KLF13: variants seen among roughly 807,000 people sequenced by gnomAD.
The protein encoded by KLF13 is Krueppel-like factor 13.
A neutral mutation model predicts 16.7 loss-of-function variants in KLF13; 8 were observed. That is an observed-to-expected ratio of 0.48 (90% CI 0.28 to 0.87). The LOEUF is 0.87. Among genes scored for constraint, KLF13 ranks in the 40% least tolerant of loss-of-function variants. The probability of loss-of-function intolerance (pLI) is 0.10; values close to 1 mark genes in which losing one functional copy is unlikely to be tolerated. For missense variants in KLF13, 447 were observed against 452.2 expected (o/e 0.99, Z 0.10); for synonymous variants, 245 against 208.4 (o/e 1.18, Z -1.51).
chr15:31,333,045 T>A (rs146547481), intron 1 of KLF13, among the ~76,000 whole-genome samples: 319 of 152,288 alleles, frequency 2.1e-3, no homozygotes, highest in African/African-American at 7.5e-3. Context: ...TAAAATAGTT[T>A]TAAAAATAAA....
At chr15:31,379,076 A>G (rs960979474), downstream of KLF13, among the ~76,000 whole-genome samples, 17 of 152,164 alleles carry the variant, frequency 1.1e-4, no homozygotes, top group African/African-American at 3.9e-4. Context: ...AAGTGTTACT[A>G]ACAAATACAG....
chr15:31,424,754 G>A (rs2040381338), intron 1 of KLF13, among the ~76,000 whole-genome samples: 1 of 152,084 alleles, frequency 6.6e-6, no homozygotes, highest in Non-Finnish European at 1.5e-5. Flanking sequence ...ATTCAACATA[G>A]TAATGGAAGT....
chr15:31,343,818 C>A (rs1200040977), intron 1 of KLF13, among the ~76,000 whole-genome samples: 2 of 152,174 alleles, frequency 1.3e-5, no homozygotes, highest in African/African-American at 4.8e-5. Context: ...GGAAGGTCTC[C>A]TTGGAGAGGT....
At chr15:31,424,892 C>CACACACAA (rs1465284394) in intron 1 of KLF13, among the ~76,000 whole-genome samples, 1 of 151,802 alleles carries the variant, frequency 6.6e-6, no homozygotes, top group Non-Finnish European at 1.5e-5. Context: ...CACACACACA[C>CACACACAA]ACACACACAC....
chr15:31,423,381 C>T (rs907813423), intron 1 of KLF13, among the ~76,000 whole-genome samples: 1 of 151,592 alleles, frequency 6.6e-6, no homozygotes, highest in Non-Finnish European at 1.5e-5. Flanking sequence ...TCTGTAATCC[C>T]AGCGCTTTGG....
At chr15:31,341,537 C>CTTTTCT (rs2039021899) in intron 1 of KLF13, among the ~76,000 whole-genome samples, 1 of 121,484 alleles carries the variant, frequency 8.2e-6, no homozygotes, top group Non-Finnish European at 1.7e-5. Flanking sequence ...CAATTCAGAA[C>CTTTTCT]TTTTTTTTTT....
intron 2 of KLF13, among the ~76,000 whole-genome samples, chr15:31,398,265 C>G (rs2039982903): frequency 6.6e-6 from 1 of 152,158 alleles, no homozygotes; most frequent in Non-Finnish European, 1.5e-5. Flanking sequence ...ATGGCCATCA[C>G]AGCAAGGAAA....
At chr15:31,391,259 G>A (rs2039862022), upstream of KLF13, among the ~76,000 whole-genome samples, 1 of 116,336 alleles carries the variant, frequency 8.6e-6, no homozygotes, top group Non-Finnish European at 1.8e-5. Context: ...GGTGCTGGGT[G>A]TTGGGCTGTG....
chr15:31,420,342 C>A, intron 1 of KLF13: 1 of 1,058,754 alleles, frequency 9.4e-7, no homozygotes, highest in Non-Finnish European at 1.4e-6. Flanking sequence ...GCAGCTGGCA[C>A]AGTGTATGAA....
chr15:31,393,874 G>C (rs1454453932), intron 2 of KLF13, among the ~76,000 whole-genome samples: 1 of 152,146 alleles, frequency 6.6e-6, no homozygotes, highest in Non-Finnish European at 1.5e-5. Flanking sequence ...GCACCGGGTC[G>C]GGCTTCTGTC....
rs112850179 is a variant in KLF13, at chr15:31,345,155, A to G, written c.577+17366A>G. 5.7e-3 allele frequency among the ~76,000 whole-genome samples: 871 copies of G among 152,308 alleles called. 4 individuals carry two copies. The highest frequency in any genetic ancestry group is 0.017 in the Middle Eastern group (5 of 294). On this transcript the variant is annotated intron_variant, in intron 1 of 1. Transcript: ENST00000307145. ...GAGGCAGCTGTGAGATCCCAGGCAG[A>G]GCCAGGAGAGGAGCAGGACAGATGG...
chr15:31,335,867 C>T (rs1214002585), intron 1 of KLF13, among the ~76,000 whole-genome samples: 1 of 152,202 alleles, frequency 6.6e-6, no homozygotes, highest in African/African-American at 2.4e-5. Context: ...CACGCTGCAT[C>T]ATGAAAGAGC....
intron 1 of KLF13, among the ~76,000 whole-genome samples, chr15:31,419,106 T>C (rs1320125719): frequency 6.6e-6 from 1 of 152,180 alleles, no homozygotes; most frequent in African/African-American, 2.4e-5. Flanking sequence ...GTGTATTTCA[T>C]GGTGCATCCC....
chr15:31,354,562 A>C (rs980487330), intron 1 of KLF13, among the ~76,000 whole-genome samples: 3 of 152,066 alleles, frequency 2.0e-5, no homozygotes, highest in Admixed American at 6.5e-5. Context: ...TTGTATTTTT[A>C]GTAGAGATGG....
chr15:31,335,473 GTGTA>G (rs57908934), intron 1 of KLF13, among the ~76,000 whole-genome samples: 9,489 of 34,302 alleles, frequency 0.28, 991 homozygotes, highest in East Asian at 0.42. Context: ...GTGTGTGTGT[GTGTA>G]TGGTGGCGGG....
chr15:31,328,111 CG>C (rs2038753770), intron 1 of KLF13, among the ~76,000 whole-genome samples: 1 of 149,394 alleles, frequency 6.7e-6, no homozygotes, highest in African/African-American at 2.5e-5. Context: ...GGCCGGGAGG[CG>C]GCGCGGGCAG....
intron 1 of KLF13, among the ~76,000 whole-genome samples, chr15:31,329,845 A>T (rs2038795911): frequency 6.6e-6 from 1 of 152,180 alleles, no homozygotes; most frequent in African/African-American, 2.4e-5. Context: ...TTGGAAGTGC[A>T]CAGGGCTCCG....
upstream of KLF13, among the ~76,000 whole-genome samples, chr15:31,390,780 C>T (rs1255848601): frequency 6.6e-6 from 1 of 152,076 alleles, no homozygotes; most frequent in Admixed American, 6.5e-5. Flanking sequence ...CTGAATCAGG[C>T]TTCTGTGTCC....
At chr15:31,420,349 T>C in intron 1 of KLF13, 1 of 1,094,712 alleles carries the variant, frequency 9.1e-7, no homozygotes, top group Non-Finnish European at 1.4e-6. Flanking sequence ...GCACAGTGTA[T>C]GAAGACCTGA....
Sources: allele counts gnomAD v4.1 joint callset (sites outside exome capture counted in the v4.1 genomes callset), GRCh38; gene constraint gnomAD v4.1.1; transcripts MANE v1.5; gene names NCBI Gene and HGNC (gene_info 2026-07-23, HGNC 2026-07-21).